The following PCLO variants were observed in gnomAD, a reference collection of about 807,000 sequenced individuals.
PCLO encodes the protein piccolo presynaptic cytomatrix protein.
PCLO carries 82 observed loss-of-function variants against 427.5 expected under a neutral mutation model. The ratio of observed to expected loss-of-function variants is 0.19; its 90% CI spans 0.16 to 0.23. The LOEUF is 0.23. PCLO is among the 10% of genes least tolerant of loss of function. The pLI, the probability that PCLO is intolerant of heterozygous loss-of-function variation, is 1.00. For synonymous variants in PCLO, 2,357 were observed against 2,155.4 expected (o/e 1.09, Z -2.59); for missense variants, 6,239 against 6,115.9 (o/e 1.02, Z -0.67).
At chr7:83,149,083 G>A (rs1792066030) in intron 2 of PCLO, among the ~76,000 whole-genome samples, 1 of 152,172 alleles carries the variant, frequency 6.6e-6, no homozygotes, top group Non-Finnish European at 1.5e-5. Context: ...TCTCATGGGG[G>A]CCCTTCCTCA....
At chr7:82,904,020 A>G (rs1794121997) in intron 8 of PCLO, among the ~76,000 whole-genome samples, 1 of 152,092 alleles carries the variant, frequency 6.6e-6, no homozygotes, top group African/African-American at 2.4e-5. Context: ...GCCTTAGATT[A>G]ACATAAAATA....
intron 9 of PCLO, chr7:82,880,507 G>A (rs961134070): frequency 3.9e-6 from 1 of 257,250 alleles, no homozygotes; most frequent in South Asian, 3.6e-5. Context: ...GCCTCTCACA[G>A]TGCTGGAATT....
At chr7:83,096,990 A>ATATATAT (rs1562962411) in intron 3 of PCLO, among the ~76,000 whole-genome samples, 1 of 25,626 alleles carries the variant, frequency 3.9e-5, no homozygotes, top group Non-Finnish European at 5.7e-5. Flanking sequence ...TATATAAATA[A>ATATATAT]TATATATTAT....
At chr7:82,804,587 G>C (rs1791421666) in intron 21 of PCLO, among the ~76,000 whole-genome samples, 1 of 152,112 alleles carries the variant, frequency 6.6e-6, no homozygotes. Context: ...ACCCAGCTCA[G>C]GGTTGGCAAG....
chr7:82,759,089 A>G (rs551095332), intron 24 of PCLO, among the ~76,000 whole-genome samples: 1 of 152,040 alleles, frequency 6.6e-6, no homozygotes, highest in Non-Finnish European at 1.5e-5. Context: ...ATCCAAATCA[A>G]ATAAAAGATT....
At chr7:82,982,310 G>A (rs931941387) in intron 3 of PCLO, among the ~76,000 whole-genome samples, 1 of 152,082 alleles carries the variant, frequency 6.6e-6, no homozygotes, top group Non-Finnish European at 1.5e-5. Context: ...AACTCATATA[G>A]AGTGGGGGAT....
At chr7:83,120,186 G>A (rs1791239808) in intron 3 of PCLO, among the ~76,000 whole-genome samples, 1 of 151,856 alleles carries the variant, frequency 6.6e-6, no homozygotes, top group South Asian at 2.1e-4. Context: ...CAGATCTCTT[G>A]AAGTCAGGAG....
intron 3 of PCLO, among the ~76,000 whole-genome samples, chr7:83,089,401 C>T (rs892419871): frequency 3.3e-5 from 5 of 152,054 alleles, no homozygotes; most frequent in African/African-American, 9.7e-5. Context: ...TCCCTCATGC[C>T]TATAGAACTC....
At chr7:83,059,357 A>AATATATATATATATATATATAT (rs752009069) in intron 3 of PCLO, among the ~76,000 whole-genome samples, 1 of 111,812 alleles carries the variant, frequency 8.9e-6, no homozygotes. Flanking sequence ...ACACCTTTAA[A>AATATATATATATATATATATAT]ATATATATAT....
At chr7:83,057,016 G>A (rs1289737087) in intron 3 of PCLO, among the ~76,000 whole-genome samples, 1 of 151,768 alleles carries the variant, frequency 6.6e-6, no homozygotes, top group South Asian at 2.1e-4. Context: ...GTTATGTGCA[G>A]CAATATCTAC....
chr7:83,158,398 C>A (rs2116700671), intron 1 of PCLO, among the ~76,000 whole-genome samples: 1 of 151,974 alleles, frequency 6.6e-6, no homozygotes, highest in African/African-American at 2.4e-5. Context: ...TTGTACCATT[C>A]CCTTGAACAG....
chr7:83,063,383 C>T (rs1038477139), intron 3 of PCLO, among the ~76,000 whole-genome samples: 1 of 152,022 alleles, frequency 6.6e-6, no homozygotes, highest in Non-Finnish European at 1.5e-5. Flanking sequence ...TGATGTCTGA[C>T]TTGTGATTTT....
Position 82,845,277 on chromosome 7 carries a change from G to A in PCLO, c.14040C>T (p.Ser4680=). ...TCACATCAACAATCCTCACCTTGCT[G>A]CTGCCGTGCTTCTTTTTGCTCACTG... The part of the protein sequence containing the change: ...SPSVSKKKHG[S]SKPTDGTKVV... The change falls in exon 13 of 25, where the codon AGC becomes AGT. Residue 4680 remains serine (S), a synonymous_variant. Transcript: ENST00000333891. The A allele has an allele frequency of 6.2e-7, 1 of 1,612,626 alleles. No homozygotes were observed. The highest frequency in any genetic ancestry group is 8.5e-7 in the Non-Finnish European group (1 of 1,179,026).
At chr7:83,123,084 T>A (rs1280655747) in intron 3 of PCLO, among the ~76,000 whole-genome samples, 1 of 152,114 alleles carries the variant, frequency 6.6e-6, no homozygotes, top group Non-Finnish European at 1.5e-5. Context: ...TACAATGCAA[T>A]CTCTATCAAA....
chr7:82,912,713 C>T lies in PCLO; in HGVS notation c.13300+1973G>A, dbSNP rs141050820. Among the ~76,000 whole-genome samples the T allele has an allele frequency of 2.6e-3, 389 of 152,144 alleles. 1 individual carries two copies. Among genetic ancestry groups the T allele is most frequent in the Middle Eastern group, 6.8e-3 (2 of 294 alleles). Reference sequence around the variant, plus strand: ...CAGTCTTTGATGATTATGACCTATACATCATTCAAACATATAAAAGGGAAA... The same window carrying T: ...CAGTCTTTGATGATTATGACCTATATATCATTCAAACATATAAAAGGGAAA... On this transcript the variant is annotated intron_variant, in intron 7 of 24. Coordinates refer to ENST00000333891, the MANE Select transcript of PCLO (RefSeq NM_033026.6).
chr7:83,142,185 T>C (rs959179656), intron 2 of PCLO, among the ~76,000 whole-genome samples: 2 of 152,206 alleles, frequency 1.3e-5, no homozygotes, highest in Non-Finnish European at 2.9e-5. Flanking sequence ...CTTGGAATAA[T>C]GAAACATCAG....
intron 10 of PCLO, among the ~76,000 whole-genome samples, chr7:82,863,781 C>T (rs1384516714): frequency 6.6e-6 from 1 of 151,940 alleles, no homozygotes; most frequent in Non-Finnish European, 1.5e-5. Flanking sequence ...CAATATAGTT[C>T]TATATGAATT....
At position 83,016,765 on chromosome 7, in the gene PCLO, A is replaced by T. The variant is rs150551456; in HGVS notation, c.3301-50278T>A. On this transcript the variant is annotated intron_variant, in intron 3 of 24. Transcript: ENST00000333891. ...TTCTGAGTTATATGGTATAGATTGA[A>T]ATAGGAAGAATGGACGCTGCGTACT... is the stretch of plus-strand genomic sequence containing the variant. Among the ~76,000 whole-genome samples the T allele has an allele frequency of 4.3e-3, 649 of 152,230 alleles. 2 individuals are homozygous for T. Among genetic ancestry groups the T allele is most frequent in the African/African-American group, 0.015 (613 of 41,566 alleles).
chr7:83,102,561 A>G (rs983033633), intron 3 of PCLO, among the ~76,000 whole-genome samples: 1 of 151,968 alleles, frequency 6.6e-6, no homozygotes. Flanking sequence ...CCATTTTGTG[A>G]TATCAGGCAA....
Sources: gnomAD v4.1 joint callset for allele counts (sites outside exome capture counted in the v4.1 genomes callset) on GRCh38, gnomAD v4.1.1 for gene constraint, MANE v1.5 for transcripts, NCBI Gene and HGNC (gene_info 2026-07-23, HGNC 2026-07-21) for gene names.